The following FEZF2 variants were observed in gnomAD, a reference collection of about 807,000 sequenced individuals.
The protein encoded by FEZF2 is fez family zinc finger protein 2.
A neutral mutation model predicts 32.8 loss-of-function variants in FEZF2; 2 were observed. The observed-to-expected ratio is 0.06, with a 90% CI of 0.02 to 0.19. FEZF2 has a LOEUF of 0.19. Ranked by LOEUF, FEZF2 falls within the 10% of genes least tolerant of loss-of-function variation. FEZF2 has a pLI of 1.00. For missense variants in FEZF2, 516 were observed against 625.4 expected, an observed-to-expected ratio of 0.83 and a Z score of 1.87; for synonymous variants, 322 against 284.8, an observed-to-expected ratio of 1.13 and a Z score of -1.32.
Position 62,370,416 on chromosome 3 carries a change from G to C in FEZF2, c.1121-74C>G. On this transcript the variant is annotated intron_variant, in intron 4 of 4. Transcript: ENST00000283268. The surrounding 1 kb of genome is among the most constrained non-coding windows in gnomAD (Gnocchi z 4.2). ...GGGGAGGAAGAGGCGGGCGTCCCAG[G>C]GGCAGCCCAGGTGCCTGCTCAAAAA... 2 of 1,535,474 alleles carry C rather than the reference G, an allele frequency of 1.3e-6. No homozygotes were observed. Among genetic ancestry groups the C allele is most frequent in the Non-Finnish European group, 8.9e-7 (1 of 1,124,254 alleles).
rs892646413 is a variant in FEZF2 at position 62,372,530 on chromosome 3, GCCGCCGCCACCGCCGCCGCCGCCT to G, written c.315_338del (p.Gly110_Gly117del). On this transcript the variant is annotated inframe_deletion, in exon 2 of 5. Transcript: ENST00000283268. This position sits in a 1 kb window ranked among gnomAD's most constrained non-coding sequence, Gnocchi z 9.6. ...CGCACACTGGGGCCCCCCCGCCGCC[GCCGCCGCCACCGCCGCCGCCGCCT>G]CCGCCGCCGCCCGCCCGGAGGCTGC... is the stretch of plus-strand genomic sequence containing the variant. 1 of 1,303,860 alleles carries G rather than the reference GCCGCCGCCACCGCCGCCGCCGCCT, an allele frequency of 7.7e-7. No homozygotes were observed. The highest frequency in any genetic ancestry group is 2.4e-4 in the Middle Eastern group (1 of 4,202). The allele number at this position is 1,303,860 out of a possible 1,614,324, so 80.8% of individuals were successfully genotyped here.
chr3:62,372,993 C>A lies in FEZF2; in HGVS notation c.-58-67G>T. The A allele has an allele frequency of 2.1e-6, 2 of 954,500 alleles. No individual in the cohort carries two copies. The highest frequency in any genetic ancestry group is 1.4e-6 in the Non-Finnish European group (1 of 713,112). 59.1% of individuals were successfully genotyped at this position (954,500 alleles called of 1,614,324 possible). On this transcript the variant is annotated intron_variant, in intron 1 of 4. Transcript: ENST00000283268. The surrounding 1 kb of genome is among the most constrained non-coding windows in gnomAD (Gnocchi z 9.6). ...AAGCACCTAGTCGGGCCCGGGTCAC[C>A]CATTTGCATTCAAATGAACAGGGGC... is the stretch of plus-strand genomic sequence containing the variant.
rs766964463 is a variant in FEZF2, at chr3:62,370,368, G to C, written c.1121-26C>G. The C allele has an allele frequency of 2.4e-5, 39 of 1,611,038 alleles. No individual in the cohort carries two copies. Among genetic ancestry groups the C allele is most frequent in the African/African-American group, 2.3e-4 (17 of 74,842 alleles). On this transcript the variant is annotated intron_variant, in intron 4 of 4. Coordinates refer to ENST00000283268, the MANE Select transcript of FEZF2 (RefSeq NM_018008.4). This position sits in a 1 kb window ranked among gnomAD's most constrained non-coding sequence, Gnocchi z 4.2. ...CTACAACAGATCAAGAACAAAAAAC[G>C]TGGGGGTATGGAGTAGAATGGTGGG...
At position 62,372,521 on chromosome 3, in the gene FEZF2, CCCGCCG is replaced by C; in HGVS notation, c.342_347del (p.Gly116_Gly117del). Reference sequence around the variant, plus strand: ...CGCTGGCGCCGCACACTGGGGCCCCCCCGCCGCCGCCGCCGCCACCGCCGCCGCCGC... The same window carrying C: ...CGCTGGCGCCGCACACTGGGGCCCCCCCGCCGCCGCCACCGCCGCCGCCGC... On this transcript the variant is annotated inframe_deletion, in exon 2 of 5. Coordinates refer to ENST00000283268, the MANE Select transcript of FEZF2 (RefSeq NM_018008.4). This position sits in a 1 kb window ranked among gnomAD's most constrained non-coding sequence, Gnocchi z 9.6. 7.7e-7 allele frequency: 1 copy of C among 1,294,760 alleles called. No individual in the cohort carries two copies. The highest frequency in any genetic ancestry group is 9.8e-7 in the Non-Finnish European group (1 of 1,023,062). 80.2% of individuals were successfully genotyped at this position (1,294,760 alleles called of 1,614,324 possible).
chr3:62,370,272 G>A lies in FEZF2; in HGVS notation c.1191C>T (p.Ala397=). 1 of 1,614,256 alleles carries A rather than the reference G, an allele frequency of 6.2e-7. No individual in the cohort carries two copies. Among genetic ancestry groups the A allele is most frequent in the South Asian group, 1.1e-5 (1 of 91,090 alleles). ...KQYKCTICNK[A]FHQVYNLTFH... Reference sequence around the variant, plus strand: ...AGGTTAGGTTGTAGACCTGGTGGAAGGCCTTGTTGCAGATGGTACATTTGT... The same window carrying A: ...AGGTTAGGTTGTAGACCTGGTGGAAAGCCTTGTTGCAGATGGTACATTTGT... Residue 397 remains alanine (A), a synonymous_variant, in exon 5 of 5, where the codon GCC becomes GCT. Transcript: ENST00000283268. This position sits in a 1 kb window ranked among gnomAD's most constrained non-coding sequence, Gnocchi z 4.2.
chr3:62,371,602 C>G lies in FEZF2; in HGVS notation c.918G>C (p.Val306=). The change falls in exon 3 of 5, where the codon GTG becomes GTC. Residue 306 remains valine (V), a synonymous_variant. Coordinates refer to ENST00000283268, the MANE Select transcript of FEZF2 (RefSeq NM_018008.4). ...MPVHTGARPF[V]CKVCGKGFRQ... ...GAAAGCCTTTGCCGCAGACTTTGCA[C>G]ACGAACGGTCTGGCTCCGGTGTGGA... 1.2e-6 allele frequency: 2 copies of G among 1,614,184 alleles called. No individual in the cohort carries two copies. Among genetic ancestry groups the G allele is most frequent in the South Asian group, 1.1e-5 (1 of 91,084 alleles).
chr3:62,369,901 G>T lies in FEZF2; in HGVS notation c.*182C>A. 1 of 678,248 alleles carries T rather than the reference G, an allele frequency of 1.5e-6. No individual in the cohort carries two copies. Among genetic ancestry groups the T allele is most frequent in the Non-Finnish European group, 2.4e-6 (1 of 424,268 alleles). 42.0% of individuals were successfully genotyped at this position (678,248 alleles called of 1,614,324 possible). ...GTTTCCTGAATATACAAAGGTGGGGGCCACGAGTTTGCTGCCAGTCATCGA... is the reference window on the plus strand; with the variant it reads ...GTTTCCTGAATATACAAAGGTGGGGTCCACGAGTTTGCTGCCAGTCATCGA... On this transcript the variant is annotated 3_prime_UTR_variant, in exon 5 of 5. Transcript: ENST00000283268. The surrounding 1 kb of genome is among the most constrained non-coding windows in gnomAD (Gnocchi z 4.2).
At chr3:62,371,966 G>A (rs560426222) in intron 2 of FEZF2, 51 bp downstream of exon 2, 4 of 1,572,708 alleles carry the variant, frequency 2.5e-6, no homozygotes, top group African/African-American at 2.7e-5. Flanking sequence ...CAAGGAAGCC[G>A]CCGCCGCCGA....
Position 62,372,548 on chromosome 3 carries a change from G to GCCT in FEZF2, c.320_321insAGG (p.Gly117dup). The GCCT allele has an allele frequency of 1.5e-6, 2 of 1,345,664 alleles. No homozygotes were observed. Among genetic ancestry groups the GCCT allele is most frequent in the Non-Finnish European group, 9.5e-7 (1 of 1,049,990 alleles). 83.4% of individuals were successfully genotyped at this position (1,345,664 alleles called of 1,614,324 possible). On this transcript the variant is annotated inframe_insertion, in exon 2 of 5. Transcript: ENST00000283268. This position sits in a 1 kb window ranked among gnomAD's most constrained non-coding sequence, Gnocchi z 9.6. ...CGCCGCCGCCGCCGCCACCGCCGCC[G>GCCT]CCGCCTCCGCCGCCGCCCGCCCGGA...
Position 62,369,884 on chromosome 3 carries a change from A to C in FEZF2, c.*199T>G. 2 of 590,226 alleles carry C rather than the reference A, an allele frequency of 3.4e-6. No homozygotes were observed. 36.6% of individuals were successfully genotyped at this position (590,226 alleles called of 1,614,324 possible). A position where few individuals can be genotyped will look rare whatever the true frequency, so the allele number is the denominator to read the frequency against. On this transcript the variant is annotated 3_prime_UTR_variant, in exon 5 of 5. Coordinates refer to ENST00000283268, the MANE Select transcript of FEZF2 (RefSeq NM_018008.4). The surrounding 1 kb of genome is among the most constrained non-coding windows in gnomAD (Gnocchi z 4.2). ...GCACTGGATTTAAATAAGTTTCCTG[A>C]ATATACAAAGGTGGGGGCCACGAGT...
At chr3:62,371,776 G>C (rs1704272968) in intron 2 of FEZF2, 109 bp from the exon 3 acceptor site, 1 of 1,497,804 alleles carries the variant, frequency 6.7e-7, no homozygotes, top group South Asian at 1.3e-5. Context: ...TCAGAAACCA[G>C]AGCCTTTTTC....
At chr3:62,371,927 G>A in intron 2 of FEZF2, 90 bp downstream of exon 2, 1 of 1,508,184 alleles carries the variant, frequency 6.6e-7, no homozygotes, top group Admixed American at 2.1e-5. Context: ...GAGCTCCTCA[G>A]CTTGAAAAAG....
At position 62,372,554 on chromosome 3, in the gene FEZF2, TCCGCCG is replaced by T. The variant is rs752922690; in HGVS notation, c.309_314del (p.Gly116_Gly117del). 3.9e-5 allele frequency: 53 copies of T among 1,357,240 alleles called. 1 individual carries two copies. The Admixed American group carries it at 5.7e-4, about 15-fold the overall frequency. 84.1% of individuals were successfully genotyped at this position (1,357,240 alleles called of 1,614,324 possible). A position where few individuals can be genotyped will look rare whatever the true frequency, so the allele number is the denominator to read the frequency against. ...CGCCGCCGCCACCGCCGCCGCCGCC[TCCGCCG>T]CCGCCCGCCCGGAGGCTGCTTTTCC... On this transcript the variant is annotated inframe_deletion, in exon 2 of 5. Transcript: ENST00000283268. This position sits in a 1 kb window ranked among gnomAD's most constrained non-coding sequence, Gnocchi z 9.6.
In FEZF2 at chr3:62,370,389, G is replaced by C. The variant is rs375055738; in HGVS notation, c.1121-47C>G. ...AAACGTGGGGGTATGGAGTAGAATG[G>C]TGGGGAGGAAGAGGCGGGCGTCCCA... On this transcript the variant is annotated intron_variant, in intron 4 of 4. Transcript: ENST00000283268. The surrounding 1 kb of genome is among the most constrained non-coding windows in gnomAD (Gnocchi z 4.2). The C allele has an allele frequency of 8.1e-6, 13 of 1,596,532 alleles. No individual in the cohort carries two copies. Among genetic ancestry groups the C allele is most frequent in the Non-Finnish European group, 1.1e-5 (13 of 1,168,352 alleles).
rs867590229 is a variant in FEZF2, at chr3:62,372,802, C to T, written c.67G>A (p.Ala23Thr). 6 of 1,553,812 alleles carry T rather than the reference C, an allele frequency of 3.9e-6. No individual in the cohort carries two copies. The highest frequency in any genetic ancestry group is 4.4e-6 in the Non-Finnish European group (5 of 1,146,718). Residue 23 changes from alanine to threonine, a missense_variant, in exon 2 of 5, where the codon GCC becomes ACC. This residue lies in a region of FEZF2 where 408 missense variants were observed against 382.2 expected (regional missense o/e 1.07). Transcript: ENST00000283268. The surrounding 1 kb of genome is among the most constrained non-coding windows in gnomAD (Gnocchi z 9.6). ...GAAAAGGCCAGTGTCTTGGAAGTGG[C>T]CGGCGACGCTCCGGCGCGCGGGCAG... ...PACPRAGASP[A>T]TSKTLAFSIE... is the part of the protein sequence containing the mutation.
Position 62,371,287 on chromosome 3 carries a change from C to G in FEZF2, c.1050G>C (p.Thr350=). Residue 350 remains threonine, a synonymous_variant, in exon 4 of 5, where the codon ACG becomes ACC. Coordinates refer to ENST00000283268, the MANE Select transcript of FEZF2 (RefSeq NM_018008.4). ...KAFNRSSTLN[T]HIRIHAGYKP... ...TGTAGCCCGCGTGGATGCGGATATG[C>G]GTGTTGAGCGTGGAGCTGCGGTTGA... 1 of 1,614,192 alleles carries G rather than the reference C, an allele frequency of 6.2e-7. No homozygotes were observed. The highest frequency in any genetic ancestry group is 1.1e-5 in the South Asian group (1 of 91,082).
intron 2 of FEZF2, 46 bp downstream of exon 2, chr3:62,371,971 C>G: frequency 6.3e-7 from 1 of 1,580,064 alleles, no homozygotes; most frequent in Non-Finnish European, 8.5e-7. Flanking sequence ...AAGCCGCCGC[C>G]GCCGATCGCC....
rs1185330136 is a variant in FEZF2 at position 62,370,098 on chromosome 3, C to A, written c.1365G>T (p.Arg455Ser). Residue 455 changes from arginine to serine, a missense_variant, in exon 5 of 5, where the codon AGG (arginine) becomes AGT (serine). Arg to Ser is a moderately radical substitution (Grantham distance 110, BLOSUM62 -1). Around this residue, in one of 3 missense-constraint regions of FEZF2, gnomAD observed 29 missense variants for 23.8 expected, o/e 1.22. Transcript: ENST00000283268. This position sits in a 1 kb window ranked among gnomAD's most constrained non-coding sequence, Gnocchi z 4.2. ...PAAPSAKDLT[R>S]TVQS Reference sequence around the variant, plus strand: ...GCAGTAGCTCTCAGCTCTGCACTGTCCTAGTCAGGTCCTTTGCGGAGGGGG... The same window carrying A: ...GCAGTAGCTCTCAGCTCTGCACTGTACTAGTCAGGTCCTTTGCGGAGGGGG... The A allele has an allele frequency of 1.9e-6, 3 of 1,614,134 alleles. No individual in the cohort carries two copies. The East Asian group carries it at 6.7e-5, about 36-fold the overall frequency.
chr3:62,372,308 G>A lies in FEZF2; in HGVS notation c.561C>T (p.Ser187=), dbSNP rs1218298652. 2 of 1,607,510 alleles carry A rather than the reference G, an allele frequency of 1.2e-6. No homozygotes were observed. Among genetic ancestry groups the A allele is most frequent in the South Asian group, 1.1e-5 (1 of 90,152 alleles). Residue 187 remains serine, a synonymous_variant, in exon 2 of 5, where the codon AGC becomes AGT. Coordinates refer to ENST00000283268, the MANE Select transcript of FEZF2 (RefSeq NM_018008.4). This position sits in a 1 kb window ranked among gnomAD's most constrained non-coding sequence, Gnocchi z 9.6. The stretch of plus-strand genomic sequence containing the variant: ...GGAGGCCAGACGGGAAGAGGTGGCC[G>A]CTGAGGAGCTCAGACGGCGGGTACG... ...STAYPPSELL[S]GHLFPSGLLN...
Sources: gnomAD v4.1 joint callset for allele counts on GRCh38, gnomAD v4.1.1 for gene constraint, gnomAD v4.1.1 regional missense constraint, Gnocchi (gnomAD v3.1) non-coding constraint, MANE v1.5 for transcripts, NCBI Gene and HGNC (gene_info 2026-07-23, HGNC 2026-07-21) for gene names.